Variants in ZNF474 observed in about 807,000 individuals in gnomAD.
The protein encoded by ZNF474 is 4933409D10Rik.
For synonymous variants in ZNF474, 192 were observed against 162.2 expected (o/e 1.18, Z -1.39); for missense variants, 511 against 433.8 (o/e 1.18, Z -1.58).
rs541554199 is a variant in ZNF474, at chr5:122,145,417, A to G, written c.-212-6362A>G. On this transcript the variant is annotated intron_variant, in intron 1 of 1. Coordinates refer to ENST00000296600, the MANE Select transcript of ZNF474 (RefSeq NM_207317.3). ...CCATGGTACCAGACGCTGCCTAGAA[A>G]AGAGTATGCAGAACCAGTGAGAATG... 1.4e-4 allele frequency among the ~76,000 whole-genome samples: 21 copies of G among 152,282 alleles called. No individual in the cohort carries two copies. The South Asian group carries it at 3.3e-3, about 24-fold the overall frequency.
At chr5:122,143,705 T>G (rs1755909885) in intron 1 of ZNF474, among the ~76,000 whole-genome samples, 2 of 152,186 alleles carry the variant, frequency 1.3e-5, no homozygotes, top group Non-Finnish European at 2.9e-5. Flanking sequence ...TTATAAAGTA[T>G]TTCCAGAGCA....
In ZNF474 at chr5:122,152,305, G is replaced by A. The variant is rs1184467824; in HGVS notation, c.315G>A (p.Gly105=). Residue 105 remains glycine (G), a synonymous_variant, in exon 2 of 2, where the codon GGG becomes GGA. Coordinates refer to ENST00000296600, the MANE Select transcript of ZNF474 (RefSeq NM_207317.3). ...GCTATATCTGTGGCCGAGAATTTGG[G>A]TCCCAGTCAATTGCCATTCATGAAC... is the stretch of plus-strand genomic sequence containing the variant. ...RVCYICGREF[G]SQSIAIHEPQ... The A allele has an allele frequency of 1.9e-6, 3 of 1,614,092 alleles. No individual in the cohort carries two copies. The highest frequency in any genetic ancestry group is 2.2e-5 in the East Asian group (1 of 44,894).
At chr5:122,131,770 T>G (rs1274231545) in intron 1 of ZNF474, among the ~76,000 whole-genome samples, 1 of 152,112 alleles carries the variant, frequency 6.6e-6, no homozygotes, top group Non-Finnish European at 1.5e-5. Context: ...GTACTTTTCA[T>G]GAACTTCTTG....
intron 1 of ZNF474, among the ~76,000 whole-genome samples, chr5:122,134,706 T>A (rs965461079): frequency 6.6e-6 from 1 of 152,142 alleles, no homozygotes; most frequent in African/African-American, 2.4e-5. Flanking sequence ...AATCATACAT[T>A]GATACTGAAA....
Position 122,153,318 on chromosome 5 carries a change from TC to T in ZNF474, c.*236del. 1 of 483,338 alleles carries T rather than the reference TC, an allele frequency of 2.1e-6. No individual in the cohort carries two copies. Among genetic ancestry groups the T allele is most frequent in the Non-Finnish European group, 3.7e-6 (1 of 272,166 alleles). The allele number at this position is 483,338 out of a possible 1,614,324, so 29.9% of individuals were successfully genotyped here. A position where few individuals can be genotyped will look rare whatever the true frequency, so the allele number is the denominator to read the frequency against. ...AGAGATGGACTTCTTTCTTCCCTGATCCCTGATACAAATAATCCCTGGGAGA... is the reference window on the plus strand; with the variant it reads ...AGAGATGGACTTCTTTCTTCCCTGATCCTGATACAAATAATCCCTGGGAGA... On this transcript the variant is annotated 3_prime_UTR_variant, in exon 2 of 2. Transcript: ENST00000296600.
At chr5:122,141,791 G>A (rs917073874) in intron 1 of ZNF474, among the ~76,000 whole-genome samples, 3 of 152,116 alleles carry the variant, frequency 2.0e-5, no homozygotes, top group Non-Finnish European at 4.4e-5. Context: ...CTGTTTCCTT[G>A]GTCTTCCTGC....
At position 122,151,942 on chromosome 5, in the gene ZNF474, G is replaced by C. The variant is rs757315348; in HGVS notation, c.-49G>C. On this transcript the variant is annotated 5_prime_UTR_variant, in exon 2 of 2. Transcript: ENST00000296600. ...TTCACTCTAAGCAGAAGCCCAAAGTGAGTCTGGCCTGAAATCAGAGCAAGC... is the reference window on the plus strand; with the variant it reads ...TTCACTCTAAGCAGAAGCCCAAAGTCAGTCTGGCCTGAAATCAGAGCAAGC... 7 of 1,559,090 alleles carry C rather than the reference G, an allele frequency of 4.5e-6. No individual in the cohort carries two copies. Among genetic ancestry groups the C allele is most frequent in the Non-Finnish European group, 6.0e-6 (7 of 1,162,876 alleles).
chr5:122,137,673 T>G (rs913286402), intron 1 of ZNF474, among the ~76,000 whole-genome samples: 52 of 151,386 alleles, frequency 3.4e-4, no homozygotes, highest in South Asian at 2.1e-4. Context: ...GAGATGAACA[T>G]GGATGGAGCA....
In ZNF474 at chr5:122,152,503, T is replaced by C. The variant is rs150551514; in HGVS notation, c.513T>C (p.Cys171=). The change falls in exon 2 of 2, where the codon TGT becomes TGC. Residue 171 remains cysteine, a synonymous_variant. Coordinates refer to ENST00000296600, the MANE Select transcript of ZNF474 (RefSeq NM_207317.3). ...AQAQLLPCES[C]GRTFLPDHLL... ...CTCAGCTGCTGCCCTGTGAATCCTG[T>C]GGCCGCACATTCTTGCCAGATCATC... The C allele has an allele frequency of 1.9e-6, 3 of 1,614,062 alleles. No individual in the cohort carries two copies. Among genetic ancestry groups the C allele is most frequent in the African/African-American group, 1.3e-5 (1 of 74,936 alleles).
intron 1 of ZNF474, among the ~76,000 whole-genome samples, chr5:122,135,276 C>G (rs1459036827): frequency 6.6e-6 from 1 of 152,036 alleles, no homozygotes; most frequent in Non-Finnish European, 1.5e-5. Flanking sequence ...TAGAGACCAG[C>G]CTGGGCAACA....
intron 1 of ZNF474, among the ~76,000 whole-genome samples, chr5:122,137,466 A>C (rs112893078): frequency 6.7e-6 from 1 of 149,276 alleles, no homozygotes; most frequent in African/African-American, 2.5e-5. Context: ...AAAAAAAAAA[A>C]AAAAAAAAAA....
intron 1 of ZNF474, among the ~76,000 whole-genome samples, chr5:122,133,753 A>T (rs1755634234): frequency 6.6e-6 from 1 of 151,960 alleles, no homozygotes; most frequent in African/African-American, 2.4e-5. Flanking sequence ...TAGTGATGAG[A>T]TCTTACTATG....
chr5:122,151,420 C>T (rs566579784), intron 1 of ZNF474, among the ~76,000 whole-genome samples: 19 of 152,206 alleles, frequency 1.2e-4, no homozygotes, highest in African/African-American at 4.3e-4. Flanking sequence ...CTAATATTCA[C>T]AGTTTGCAGT....
At chr5:122,132,569 T>G (rs1755602134) in intron 1 of ZNF474, among the ~76,000 whole-genome samples, 1 of 152,158 alleles carries the variant, frequency 6.6e-6, no homozygotes, top group Admixed American at 6.6e-5. Context: ...CTAACAAATC[T>G]TTGCAAATAT....
intron 1 of ZNF474, among the ~76,000 whole-genome samples, chr5:122,133,250 G>C (rs1485529057): frequency 6.6e-6 from 1 of 152,120 alleles, no homozygotes; most frequent in Non-Finnish European, 1.5e-5. Context: ...AAAAGCAGGA[G>C]GAGAATATTT....
rs1269799357 is a variant in ZNF474, at chr5:122,153,264, C to T, written c.*179C>T. Reference sequence around the variant, plus strand: ...CATCCTTGCCTGATGGGTTCATATTCCTCTTCAATTCTGCTGTCTAAAAGA... The same window carrying T: ...CATCCTTGCCTGATGGGTTCATATTTCTCTTCAATTCTGCTGTCTAAAAGA... On this transcript the variant is annotated 3_prime_UTR_variant, in exon 2 of 2. Coordinates refer to ENST00000296600, the MANE Select transcript of ZNF474 (RefSeq NM_207317.3). 1.1e-5 allele frequency: 7 copies of T among 653,458 alleles called. No homozygotes were observed. The highest frequency in any genetic ancestry group is 4.9e-6 in the Non-Finnish European group (2 of 404,392). The allele number at this position is 653,458 out of a possible 1,614,324, so 40.5% of individuals were successfully genotyped here.
intron 1 of ZNF474, among the ~76,000 whole-genome samples, chr5:122,144,149 G>A (rs1231904800): frequency 6.6e-6 from 1 of 151,796 alleles, no homozygotes; most frequent in Non-Finnish European, 1.5e-5. Context: ...CTCCTAGACC[G>A]AAGCATTTCA....
At chr5:122,135,494 G>A (rs969424331) in intron 1 of ZNF474, among the ~76,000 whole-genome samples, 1 of 152,124 alleles carries the variant, frequency 6.6e-6, no homozygotes. Context: ...AGGCAATATT[G>A]ATTGGTGGCG....
At chr5:122,141,110 ATTTTATTTTATTTTATTTTATTTTAT>A (rs1755828723) in intron 1 of ZNF474, among the ~76,000 whole-genome samples, 3 of 23,390 alleles carry the variant, frequency 1.3e-4, no homozygotes, top group Non-Finnish European at 2.6e-4. Context: ...ATTTTATTTT[ATTTTATTTTATTTTATTTTATTTTAT>A]TTTATTTTAT....
Sources: allele counts gnomAD v4.1 joint callset (sites outside exome capture counted in the v4.1 genomes callset), GRCh38; gene constraint gnomAD v4.1.1; transcripts MANE v1.5; gene names NCBI Gene and HGNC (gene_info 2026-07-23, HGNC 2026-07-21).